CALN1: variants seen among roughly 807,000 people sequenced by gnomAD.
CALN1 encodes the protein calneuron 1.
CALN1 carries 17 observed loss-of-function variants against 30.6 expected under a neutral mutation model. That is an observed-to-expected ratio of 0.56 (90% CI 0.38 to 0.83). The LOEUF (loss-of-function observed/expected upper bound fraction) is 0.83, where lower values mean the gene tolerates loss of function less well. CALN1 is among the 40% of genes least tolerant of loss of function. CALN1 has a pLI of 0.00. For synonymous variants in CALN1, 156 were observed against 131.4 expected (o/e 1.19, Z -1.28); for missense variants, 291 against 354.9 (o/e 0.82, Z 1.45).
chr7:72,129,017 A>G (rs1320828856), intron 3 of CALN1, among the ~76,000 whole-genome samples: 1 of 152,216 alleles, frequency 6.6e-6, no homozygotes, highest in Non-Finnish European at 1.5e-5. Flanking sequence ...TATATATAGC[A>G]TCAATAAGAA....
At chr7:71,790,909 A>G (rs1443346959) in intron 6 of CALN1, among the ~76,000 whole-genome samples, 1 of 152,120 alleles carries the variant, frequency 6.6e-6, no homozygotes, top group Non-Finnish European at 1.5e-5. Flanking sequence ...AGGGGTGTTG[A>G]AGAAGATGGC....
At chr7:72,425,172 G>C (rs2129563813) in intron 1 of CALN1, among the ~76,000 whole-genome samples, 1 of 152,234 alleles carries the variant, frequency 6.6e-6, no homozygotes, top group Middle Eastern at 3.4e-3. Context: ...GGAGTGCAAT[G>C]GCACAATCTC....
intron 5 of CALN1, among the ~76,000 whole-genome samples, chr7:71,895,565 C>A (rs1793489715): frequency 6.6e-6 from 1 of 152,128 alleles, no homozygotes; most frequent in African/African-American, 2.4e-5. Context: ...TTCCCCACTC[C>A]CTGGTGAAAT....
intron 5 of CALN1, among the ~76,000 whole-genome samples, chr7:71,987,542 G>A (rs1490242714): frequency 6.6e-6 from 1 of 152,248 alleles, no homozygotes; most frequent in Non-Finnish European, 1.5e-5. Flanking sequence ...GAGGTGCGAG[G>A]ACATGTGTTG....
At chr7:72,233,050 T>C (rs1794221805) in intron 3 of CALN1, among the ~76,000 whole-genome samples, 1 of 152,144 alleles carries the variant, frequency 6.6e-6, no homozygotes, top group African/African-American at 2.4e-5. Context: ...TTGCACCTGT[T>C]TAAAAGCTTT....
chr7:72,137,133 GT>G, intron 3 of CALN1, among the ~76,000 whole-genome samples: 1 of 152,308 alleles, frequency 6.6e-6, no homozygotes, highest in Admixed American at 6.5e-5. Context: ...GGTTTGGAAT[GT>G]TTCTATGTGA....
At chr7:71,899,952 G>C (rs1793759650) in intron 5 of CALN1, among the ~76,000 whole-genome samples, 1 of 152,088 alleles carries the variant, frequency 6.6e-6, no homozygotes. Context: ...ATAAAATTTA[G>C]GCAACTATTT....
At chr7:72,240,190 TTC>T (rs1012258102) in intron 3 of CALN1, among the ~76,000 whole-genome samples, 3 of 142,088 alleles carry the variant, frequency 2.1e-5, no homozygotes, top group Non-Finnish European at 3.0e-5. Context: ...TTGGGGAAAT[TTC>T]TTTTTTTTTT....
At chr7:71,959,327 T>C (rs1797120674) in intron 5 of CALN1, among the ~76,000 whole-genome samples, 1 of 152,188 alleles carries the variant, frequency 6.6e-6, no homozygotes. Context: ...AGAAGTGTGT[T>C]CTGTTCTTTC....
intron 3 of CALN1, among the ~76,000 whole-genome samples, chr7:72,246,297 T>C (rs1040814645): frequency 6.6e-6 from 1 of 152,160 alleles, no homozygotes; most frequent in African/African-American, 2.4e-5. Flanking sequence ...AATTAGGGAC[T>C]GGCCTTAAAA....
At chr7:72,394,822 T>C (rs913960636) in intron 2 of CALN1, among the ~76,000 whole-genome samples, 1 of 151,492 alleles carries the variant, frequency 6.6e-6, no homozygotes, top group Non-Finnish European at 1.5e-5. Flanking sequence ...AACATGCCCG[T>C]TTTATTTTAT....
intron 3 of CALN1, among the ~76,000 whole-genome samples, chr7:72,113,721 G>C (rs566501551): frequency 1.3e-5 from 2 of 152,242 alleles, no homozygotes; most frequent in Non-Finnish European, 2.9e-5. Context: ...CAGCAGAATG[G>C]AATAATTGTG....
rs111477165 is a variant in CALN1, at chr7:72,181,968, G to C, written c.245-75674C>G. 7.1e-3 allele frequency among the ~76,000 whole-genome samples: 1,080 copies of C among 152,318 alleles called. 15 individuals are homozygous for C. Among genetic ancestry groups the C allele is most frequent in the African/African-American group, 0.025 (1,026 of 41,564 alleles). On this transcript the variant is annotated intron_variant, in intron 3 of 6. Transcript: ENST00000395275. ...GGTATAGCATGTTCAGTGATTATGG[G>C]ATTACAGACTCGAGCAGCTGTTTAT...
intron 5 of CALN1, among the ~76,000 whole-genome samples, chr7:71,961,474 C>T (rs974299079): frequency 2.0e-5 from 3 of 152,194 alleles, no homozygotes; most frequent in South Asian, 2.1e-4. Context: ...CCAGTAATTA[C>T]CAATCTCTTT....
intron 2 of CALN1, among the ~76,000 whole-genome samples, chr7:72,297,909 C>A (rs1388729274): frequency 6.6e-6 from 1 of 152,124 alleles, no homozygotes; most frequent in Non-Finnish European, 1.5e-5. Flanking sequence ...TCTGAAACTC[C>A]CTTGATCTCT....
At chr7:72,204,587 CT>C (rs2129547655) in intron 3 of CALN1, among the ~76,000 whole-genome samples, 1 of 152,254 alleles carries the variant, frequency 6.6e-6, no homozygotes, top group South Asian at 2.1e-4. Context: ...GATCAAATCA[CT>C]TTTCCACCAT....
intron 5 of CALN1, among the ~76,000 whole-genome samples, chr7:71,882,316 T>C (rs1446581748): frequency 1.3e-5 from 2 of 152,172 alleles, no homozygotes; most frequent in Non-Finnish European, 2.9e-5. Flanking sequence ...CTTCCTCTTA[T>C]GAAGACCCTT....
intron 3 of CALN1, among the ~76,000 whole-genome samples, chr7:72,140,563 G>A (rs1474700238): frequency 6.6e-6 from 1 of 152,260 alleles, no homozygotes. Flanking sequence ...AAGGGCAGAA[G>A]CCCCCTCAGG....
intron 6 of CALN1, among the ~76,000 whole-genome samples, chr7:71,789,888 G>C (rs1233757817): frequency 6.6e-6 from 1 of 151,964 alleles, no homozygotes; most frequent in Non-Finnish European, 1.5e-5. Context: ...TTGAAGCCAG[G>C]AGTTTGAGAC....
Sources: allele counts gnomAD v4.1 joint callset (sites outside exome capture counted in the v4.1 genomes callset), GRCh38; gene constraint gnomAD v4.1.1; transcripts MANE v1.5; gene names NCBI Gene and HGNC (gene_info 2026-07-23, HGNC 2026-07-21).